Variants in PON1 observed in about 807,000 individuals in gnomAD.
PON1 encodes the protein paraoxonase 1.
In PON1, 37 loss-of-function variants were observed where a neutral mutation model predicts 39.2. That is an observed-to-expected ratio of 0.94 (90% CI 0.73 to 1.24). The LOEUF is 1.24. Ranked by LOEUF, PON1 falls within the 50% of genes most tolerant of loss-of-function variation. PON1 has a pLI of 0.00. For missense variants in PON1, 397 were observed against 413.5 expected (o/e 0.96, Z 0.35); for synonymous variants, 148 against 152.2 (o/e 0.97, Z 0.21).
chr7:95,321,105 T>C (rs546113834), intron 1 of PON1, among the ~76,000 whole-genome samples: 28 of 152,192 alleles, frequency 1.8e-4, no homozygotes, highest in African/African-American at 6.7e-4. Flanking sequence ...TGAGAGAGAA[T>C]GTAAGAGAGG....
At chr7:95,314,800 C>T (rs1028319935) in intron 4 of PON1, among the ~76,000 whole-genome samples, 4 of 152,092 alleles carry the variant, frequency 2.6e-5, no homozygotes, top group Admixed American at 2.0e-4. Context: ...GGAGTAAAGA[C>T]ATAAAGGATG....
At chr7:95,313,311 A>C (rs1409387907) in intron 4 of PON1, among the ~76,000 whole-genome samples, 1 of 152,260 alleles carries the variant, frequency 6.6e-6, no homozygotes, top group East Asian at 1.9e-4. Flanking sequence ...ATGAGCATAA[A>C]GGTGGGAACA....
rs1202470134 is a variant in PON1 at position 95,298,827 on chromosome 7, G to T, written c.*117C>A. On this transcript the variant is annotated 3_prime_UTR_variant, in exon 9 of 9. Coordinates refer to ENST00000222381, the MANE Select transcript of PON1 (RefSeq NM_000446.7). ...GTTAAACAGTGCTTTGATGCTTCATGATGTCCACATTTAGGGTCAGCATTC... is the reference window on the plus strand; with the variant it reads ...GTTAAACAGTGCTTTGATGCTTCATTATGTCCACATTTAGGGTCAGCATTC... 5.5e-6 allele frequency: 7 copies of T among 1,271,156 alleles called. No individual in the cohort carries two copies. In the African/African-American group the frequency reaches 5.9e-5, roughly 11 times the overall value. The allele number at this position is 1,271,156 out of a possible 1,614,324, so 78.7% of individuals were successfully genotyped here.
intron 8 of PON1, among the ~76,000 whole-genome samples, chr7:95,299,988 A>G (rs1439189618): frequency 1.3e-5 from 2 of 152,162 alleles, no homozygotes; most frequent in African/African-American, 4.8e-5. Context: ...AGACAAGAAA[A>G]AAAATGTGGC....
intron 2 of PON1, among the ~76,000 whole-genome samples, chr7:95,317,573 C>CAAAAAAAAAAAAAAAAAAA (rs869140411): frequency 2.1e-5 from 1 of 46,868 alleles, no homozygotes; most frequent in East Asian, 5.2e-4. Flanking sequence ...TCTAAAAGAA[C>CAAAAAAAAAAAAAAAAAAA]AAAAAAAAAA....
chr7:95,318,362 G>T lies in PON1; in HGVS notation c.106C>A (p.Pro36Thr), dbSNP rs750769700. 3 of 1,610,122 alleles carry T rather than the reference G, an allele frequency of 1.9e-6. No individual in the cohort carries two copies. The highest frequency in any genetic ancestry group is 2.5e-6 in the Non-Finnish European group (3 of 1,176,554). ...TRLNALREVQ[P>T]VELPNCNLVK... ...AAATTACAGTTAGGAAGTTCTACGG[G>T]TTGTACCTCTCGGAGAGCATTAAGT... is the stretch of plus-strand genomic sequence containing the variant. The change falls in exon 2 of 9, where the codon CCC becomes ACC. Residue 36 changes from proline to threonine, a missense_variant. Physicochemically the swap from Pro to Thr is conservative, Grantham distance 38. Transcript: ENST00000222381.
At chr7:95,301,503 A>G (rs1284545709) in intron 8 of PON1, among the ~76,000 whole-genome samples, 1 of 152,140 alleles carries the variant, frequency 6.6e-6, no homozygotes, top group African/African-American at 2.4e-5. Context: ...ACCAGAGGCC[A>G]AGTTCCTGTC....
At chr7:95,303,089 A>C (rs1807468155) in intron 7 of PON1, among the ~76,000 whole-genome samples, 1 of 152,136 alleles carries the variant, frequency 6.6e-6, no homozygotes, top group African/African-American at 2.4e-5. Context: ...AATAATATCT[A>C]CCATGTACCT....
At chr7:95,311,348 A>G (rs904869440) in intron 5 of PON1, 103 bp downstream of exon 5, 21 of 1,367,576 alleles carry the variant, frequency 1.5e-5, no homozygotes, top group Middle Eastern at 2.2e-4. Context: ...ATTAGAAATG[A>G]GAGTTGAACA....
At chr7:95,306,204 CTTTT>C in intron 7 of PON1, 77 bp downstream of exon 7, 5 of 1,268,210 alleles carry the variant, frequency 3.9e-6, no homozygotes, top group Non-Finnish European at 5.7e-6. Flanking sequence ...TTAAGCAGTC[CTTTT>C]TTCTTCACAT....
At chr7:95,318,560 G>A (rs1368369848) in intron 1 of PON1, 167 bp from the exon 2 acceptor site, 4 of 617,750 alleles carry the variant, frequency 6.5e-6, no homozygotes, top group South Asian at 5.4e-5. Flanking sequence ...AGACAAGTGG[G>A]GAACTCTGGG....
rs113688396 is a variant in PON1 at position 95,323,962 on chromosome 7, T to A, written c.74+440A>T. 2.5e-3 allele frequency among the ~76,000 whole-genome samples: 386 copies of A among 152,260 alleles called. 4 individuals carry two copies. Among genetic ancestry groups the A allele is most frequent in the African/African-American group, 8.8e-3 (367 of 41,570 alleles). On this transcript the variant is annotated intron_variant, in intron 1 of 8. Coordinates refer to ENST00000222381, the MANE Select transcript of PON1 (RefSeq NM_000446.7). ...TTGCTGTGGCCCTCAGTAGCCTCAA[T>A]TTGAGAATCTTCAAGCCTGGAAGGT... is the stretch of plus-strand genomic sequence containing the variant.
intron 1 of PON1, among the ~76,000 whole-genome samples, chr7:95,319,628 A>T (rs1416776846): frequency 6.6e-6 from 1 of 152,226 alleles, no homozygotes; most frequent in African/African-American, 2.4e-5. Context: ...ATGTGAACTT[A>T]GAAAGCAGGC....
intron 4 of PON1, among the ~76,000 whole-genome samples, chr7:95,312,967 A>T: frequency 6.6e-6 from 1 of 152,228 alleles, no homozygotes; most frequent in East Asian, 1.9e-4. Context: ...AGGGCTTAAG[A>T]TGAAGATCCA....
At chr7:95,309,972 A>G (rs1331435510) in intron 5 of PON1, among the ~76,000 whole-genome samples, 1 of 152,248 alleles carries the variant, frequency 6.6e-6, no homozygotes, top group African/African-American at 2.4e-5. Context: ...GCCTAAGACC[A>G]ATATTTTTGC....
intron 7 of PON1, among the ~76,000 whole-genome samples, chr7:95,305,226 G>A (rs778136107): frequency 6.6e-5 from 10 of 152,170 alleles, no homozygotes; most frequent in East Asian, 1.9e-4. Flanking sequence ...TGCAGTGGGC[G>A]TTTATGGCAG....
chr7:95,302,304 G>T lies in PON1; in HGVS notation c.810C>A (p.Asn270Lys). The change falls in exon 8 of 9, where the codon AAC (asparagine) becomes AAA (lysine). Residue 270 changes from asparagine (N) to lysine (K), a missense_variant. Asn to Lys is a moderately conservative substitution (Grantham distance 94, BLOSUM62 0). Transcript: ENST00000222381. Reference sequence around the variant, plus strand: ...CTCCTGTCTCAGGATCCACAGATATGTTATCCACGAGGGTATTAAAGTCAA... The same window carrying T: ...CTCCTGTCTCAGGATCCACAGATATTTTATCCACGAGGGTATTAAAGTCAA... ...KSLDFNTLVD[N>K]ISVDPETGDL... 6.2e-7 allele frequency: 1 copy of T among 1,607,876 alleles called. No homozygotes were observed. Among genetic ancestry groups the T allele is most frequent in the Non-Finnish European group, 8.5e-7 (1 of 1,174,560 alleles).
intron 4 of PON1, among the ~76,000 whole-genome samples, chr7:95,314,349 C>T (rs1411630233): frequency 2.6e-5 from 4 of 151,362 alleles, no homozygotes; most frequent in Non-Finnish European, 4.4e-5. Flanking sequence ...GAGAGCAAGA[C>T]TCCATCTCAA....
intron 1 of PON1, among the ~76,000 whole-genome samples, chr7:95,320,397 T>C (rs1585701733): frequency 6.6e-6 from 1 of 152,322 alleles, no homozygotes. Context: ...CAAGGGGGCA[T>C]TAAGTCAGCA....
Sources: allele counts gnomAD v4.1 joint callset (sites outside exome capture counted in the v4.1 genomes callset), GRCh38; gene constraint gnomAD v4.1.1; transcripts MANE v1.5; gene names NCBI Gene and HGNC (gene_info 2026-07-23, HGNC 2026-07-21).